Variants in SYT12 observed in about 807,000 individuals in gnomAD.
SYT12 encodes synaptotagmin 12, also known as synaptotagmin-12.
In SYT12, 27 loss-of-function variants were observed where a neutral mutation model predicts 39.5. The observed-to-expected ratio is 0.68, with a 90% CI of 0.50 to 0.94. The LOEUF is 0.94. Among genes scored for constraint, SYT12 ranks in the 40% least tolerant of loss-of-function variants. The pLI, the probability that SYT12 is intolerant of heterozygous loss-of-function variation, is 0.00. For missense variants in SYT12, 536 were observed against 572.6 expected (o/e 0.94, Z 0.65); for synonymous variants, 233 against 239.7 (o/e 0.97, Z 0.26).
At position 67,034,781 on chromosome 11, in the gene SYT12, C is replaced by T. The variant is rs151301486; in HGVS notation, c.171C>T (p.Tyr57=). The change falls in exon 3 of 8, where the codon TAC becomes TAT. Residue 57 remains tyrosine (Y), a synonymous_variant. Coordinates refer to ENST00000527043, the MANE Select transcript of SYT12 (RefSeq NM_177963.4). ...CCAGCCCCTCTCCGTTCCCCAATTA[C>T]GACTACAGGTACCTTCAGCAGAAGT... The part of the protein sequence containing the change: ...SFPSPSPFPN[Y]DYRYLQQKYG... The T allele has an allele frequency of 2.9e-4, 471 of 1,600,424 alleles. No homozygotes were observed. The highest frequency in any genetic ancestry group is 6.9e-4 in the Admixed American group (39 of 56,394).
At position 67,036,809 on chromosome 11, in the gene SYT12, C is replaced by T. The variant is rs187848758; in HGVS notation, c.228+1971C>T. 1.6e-3 allele frequency among the ~76,000 whole-genome samples: 249 copies of T among 152,250 alleles called. 1 individual carries two copies. Among genetic ancestry groups the T allele is most frequent in the African/African-American group, 5.8e-3 (243 of 41,550 alleles). On this transcript the variant is annotated intron_variant, in intron 3 of 7. Transcript: ENST00000527043. Reference sequence around the variant, plus strand: ...CAAAAATTGACCGGGCACAGTGGCTCATGCCTGTAATCCCAGCACTTTGAG... The same window carrying T: ...CAAAAATTGACCGGGCACAGTGGCTTATGCCTGTAATCCCAGCACTTTGAG...
At position 67,015,211 on chromosome 11, in the gene SYT12, G is replaced by A. The variant is rs78548505; in HGVS notation, c.-69+4217G>A. On this transcript the variant is annotated intron_variant, in intron 3 of 10. Transcript: ENST00000393946. Reference sequence around the variant, plus strand: ...TCCCGGTGACAGGTGGAAAGGCAGCGCAGGTGTCTTGTGGAAGTAGAGACC... The same window carrying A: ...TCCCGGTGACAGGTGGAAAGGCAGCACAGGTGTCTTGTGGAAGTAGAGACC... 2.9e-4 allele frequency among the ~76,000 whole-genome samples: 44 copies of A among 152,334 alleles called. No homozygotes were observed. The East Asian group carries it at 7.7e-3, about 27-fold the overall frequency.
chr11:67,036,995 C>A (rs1950394008), intron 3 of SYT12, among the ~76,000 whole-genome samples: 2 of 152,180 alleles, frequency 1.3e-5, no homozygotes, highest in Non-Finnish European at 2.9e-5. Flanking sequence ...ATTGCTTGAA[C>A]CCAGAAGGTG....
At chr11:67,037,391 CA>C (rs1436274111) in intron 3 of SYT12, among the ~76,000 whole-genome samples, 2 of 151,982 alleles carry the variant, frequency 1.3e-5, no homozygotes, top group Non-Finnish European at 2.9e-5. Context: ...ATTATCTGCT[CA>C]ATGCAAAATT....
At chr11:67,028,268 A>G (rs950106380) in intron 1 of SYT12, 1 of 152,174 alleles carries the variant, frequency 6.6e-6, no homozygotes, top group African/African-American at 2.4e-5. Context: ...CTCTATTACT[A>G]TCATTATCTC....
intron 4 of SYT12, among the ~76,000 whole-genome samples, chr11:67,042,272 GTGCCTAGC>G (rs1413944406): frequency 1.3e-5 from 2 of 152,208 alleles, no homozygotes; most frequent in African/African-American, 4.8e-5. Context: ...GCCTGGGTCA[GTGCCTAGC>G]AGGTTGGCTC....
Position 67,034,403 on chromosome 11 carries a change from G to A in SYT12, c.35-242G>A, listed in dbSNP as rs1365929986. 2.6e-5 allele frequency among the ~76,000 whole-genome samples: 4 copies of A among 152,172 alleles called. No homozygotes were observed. In the East Asian group the frequency reaches 7.7e-4, roughly 29 times the overall value. Reference sequence around the variant, plus strand: ...TTTGGATTTCAGATTTTTGGATTAGGAATGCTCAGACTATAAGTGTAATGT... The same window carrying A: ...TTTGGATTTCAGATTTTTGGATTAGAAATGCTCAGACTATAAGTGTAATGT... On this transcript the variant is annotated intron_variant, in intron 2 of 7. Coordinates refer to ENST00000527043, the MANE Select transcript of SYT12 (RefSeq NM_177963.4).
intron 3 of SYT12, among the ~76,000 whole-genome samples, chr11:67,012,974 GGGAGGA>G (rs1344567666): frequency 6.6e-6 from 1 of 152,140 alleles, no homozygotes; most frequent in Non-Finnish European, 1.5e-5. Flanking sequence ...CCTTTCCTTT[GGGAGGA>G]GGTTGGGAAT....
chr11:67,045,317 G>A (rs1950596571), intron 6 of SYT12, among the ~76,000 whole-genome samples: 1 of 152,086 alleles, frequency 6.6e-6, no homozygotes, highest in South Asian at 2.1e-4. Flanking sequence ...AGGCAGGTGC[G>A]GCAAGGACAC....
chr11:67,039,159 C>T (rs1200016521), intron 3 of SYT12, among the ~76,000 whole-genome samples: 4 of 148,358 alleles, frequency 2.7e-5, no homozygotes, highest in East Asian at 4.0e-4. Context: ...CAAAATTAGC[C>T]GGGCGTGGTG....
At chr11:67,034,558 C>A in intron 2 of SYT12, 87 bp from the exon 3 acceptor site, 1 of 1,180,608 alleles carries the variant, frequency 8.5e-7, no homozygotes. Flanking sequence ...AATAAATATC[C>A]ATTCAATGTA....
At chr11:67,034,905 A>G (rs1245464634) in intron 3 of SYT12, 67 bp downstream of exon 3, 1 of 1,311,608 alleles carries the variant, frequency 7.6e-7, no homozygotes, top group Admixed American at 3.0e-5. Context: ...CACTCAGATC[A>G]GTCTTCAGCC....
At chr11:67,010,937 C>T (rs1950008957) in exon 3 of SYT12, 1 of 152,208 alleles carries the variant, frequency 6.6e-6, no homozygotes, top group Admixed American at 6.5e-5. Context: ...AAGGCCTCAA[C>T]CCACAGCACG....
intron 1 of SYT12, chr11:67,029,759 C>G (rs1950232131): frequency 5.9e-6 from 1 of 169,596 alleles, no homozygotes; most frequent in Non-Finnish European, 1.3e-5. Flanking sequence ...GAGGCTGAGG[C>G]AGGAGATCAC....
upstream of SYT12, among the ~76,000 whole-genome samples, chr11:67,019,750 T>C (rs140765058): frequency 1.8e-3 from 277 of 151,722 alleles, 2 homozygotes; most frequent in African/African-American, 6.5e-3. Flanking sequence ...TACAAAAAAT[T>C]AGCCATGCGT....
upstream of SYT12, among the ~76,000 whole-genome samples, chr11:67,020,016 G>A (rs139588244): frequency 4.1e-3 from 619 of 151,974 alleles, 5 homozygotes; most frequent in Middle Eastern, 6.8e-3. Context: ...CTGACTCCAC[G>A]CACAGCATCT....
At chr11:67,007,078 G>A (rs1188308117) in exon 1 of SYT12, 1 of 152,372 alleles carries the variant, frequency 6.6e-6, no homozygotes, top group South Asian at 2.1e-4. Flanking sequence ...GGGCCGCATG[G>A]TGAGGGAGTG....
chr11:67,025,396 G>C (rs1035482819), intron 1 of SYT12, among the ~76,000 whole-genome samples: 2 of 152,148 alleles, frequency 1.3e-5, no homozygotes, highest in Non-Finnish European at 2.9e-5. Context: ...TGAACGAATT[G>C]GTCAGATGGG....
rs145930517 is a variant in SYT12 at position 67,023,912 on chromosome 11, A to G, written c.-24+452A>G. Among the ~76,000 whole-genome samples the G allele has an allele frequency of 3.5e-4, 53 of 152,214 alleles. 1 individual carries two copies. The highest frequency in any genetic ancestry group is 1.6e-3 in the Admixed American group (25 of 15,286). ...GTCCCAATCTGGAGGGGAACGTTGC[A>G]CCCCAGCCCGAGGAGGCCCTGGCCG... On this transcript the variant is annotated intron_variant, in intron 1 of 7. Coordinates refer to ENST00000527043, the MANE Select transcript of SYT12 (RefSeq NM_177963.4).
Sources: allele counts gnomAD v4.1 joint callset (sites outside exome capture counted in the v4.1 genomes callset), GRCh38; gene constraint gnomAD v4.1.1; transcripts MANE v1.5; gene names NCBI Gene and HGNC (gene_info 2026-07-23, HGNC 2026-07-21).